Variants in ZFR observed in about 807,000 individuals in gnomAD.
ZFR encodes zinc finger RNA-binding protein.
A neutral mutation model predicts 130.7 loss-of-function variants in ZFR; 19 were observed. The ratio of observed to expected loss-of-function variants is 0.15; its 90% CI spans 0.10 to 0.21. The LOEUF is 0.21. ZFR is among the 10% of genes least tolerant of loss of function. The probability of loss-of-function intolerance (pLI) is 1.00; values close to 1 mark genes in which losing one functional copy is unlikely to be tolerated. For synonymous variants in ZFR, 466 were observed against 456.9 expected (o/e 1.02, Z -0.25); for missense variants, 872 against 1,321.5 (o/e 0.66, Z 5.27).
At chr5:32,371,126 TCGGAAGACCG>T (rs1752661601) in intron 17 of ZFR, among the ~76,000 whole-genome samples, 2 of 152,162 alleles carry the variant, frequency 1.3e-5, no homozygotes, top group Admixed American at 1.3e-4. Context: ...TCCCAGCACT[TCGGAAGACCG>T]TGGCAAGAGG....
At chr5:32,400,322 A>G in intron 8 of ZFR, 119 bp from the exon 9 acceptor site, 1 of 663,104 alleles carries the variant, frequency 1.5e-6, no homozygotes, top group Non-Finnish European at 2.3e-6. Flanking sequence ...TAACTGACAT[A>G]CAACAGATGA....
At chr5:32,400,837 C>T (rs1028102408) in intron 8 of ZFR, among the ~76,000 whole-genome samples, 2 of 152,012 alleles carry the variant, frequency 1.3e-5, no homozygotes, top group Admixed American at 6.6e-5. Context: ...CCTGGTCAGA[C>T]CCTGTCTCCC....
chr5:32,400,323 C>T, intron 8 of ZFR, 120 bp from the exon 9 acceptor site: 3 of 662,754 alleles, frequency 4.5e-6, no homozygotes, highest in Middle Eastern at 4.6e-4. Flanking sequence ...AACTGACATA[C>T]AACAGATGAG....
intron 17 of ZFR, among the ~76,000 whole-genome samples, chr5:32,373,259 G>A: frequency 6.6e-6 from 1 of 152,210 alleles, no homozygotes; most frequent in South Asian, 2.1e-4. Flanking sequence ...CAGGCGTGGT[G>A]GTGCATGCCT....
intron 11 of ZFR, among the ~76,000 whole-genome samples, chr5:32,394,897 A>G (rs1165788459): frequency 6.6e-6 from 1 of 152,192 alleles, no homozygotes; most frequent in Non-Finnish European, 1.5e-5. Flanking sequence ...TATTTATAAT[A>G]TGAAACTATT....
chr5:32,411,394 T>C (rs1265379784), intron 5 of ZFR, among the ~76,000 whole-genome samples: 1 of 152,102 alleles, frequency 6.6e-6, no homozygotes, highest in Non-Finnish European at 1.5e-5. Flanking sequence ...AACCATGAAC[T>C]GAAAATATTC....
chr5:32,387,059 C>A (rs1364266097), intron 14 of ZFR, among the ~76,000 whole-genome samples: 1 of 151,996 alleles, frequency 6.6e-6, no homozygotes, highest in African/African-American at 2.4e-5. Context: ...TATTTCCTAC[C>A]ATTATAAACA....
At chr5:32,409,955 A>G (rs957022193) in intron 5 of ZFR, among the ~76,000 whole-genome samples, 2 of 152,116 alleles carry the variant, frequency 1.3e-5, no homozygotes, top group African/African-American at 2.4e-5. Context: ...CCTGGGTGAC[A>G]GAATGAGACC....
At chr5:32,402,740 T>C (rs1041203780) in intron 8 of ZFR, among the ~76,000 whole-genome samples, 52 of 150,218 alleles carry the variant, frequency 3.5e-4, no homozygotes, top group African/African-American at 1.2e-3. Context: ...ATCGTGCTAC[T>C]GCACTCCAGC....
chr5:32,378,304 G>A (rs1185323065), intron 17 of ZFR, among the ~76,000 whole-genome samples: 2 of 152,118 alleles, frequency 1.3e-5, no homozygotes, highest in Admixed American at 6.6e-5. Flanking sequence ...TAGAAAGAAT[G>A]CAGATGTGAC....
chr5:32,409,592 G>A (rs958600495), intron 5 of ZFR, among the ~76,000 whole-genome samples: 1 of 152,024 alleles, frequency 6.6e-6, no homozygotes. Flanking sequence ...TTTTAGTAGA[G>A]ACGGGGTTTT....
chr5:32,428,224 G>C (rs144657899), intron 2 of ZFR, among the ~76,000 whole-genome samples: 2 of 152,112 alleles, frequency 1.3e-5, no homozygotes, highest in African/African-American at 2.4e-5. Flanking sequence ...GACCAGTCTG[G>C]CCAACATGGT....
chr5:32,359,751 C>A (rs1273987692), intron 19 of ZFR, among the ~76,000 whole-genome samples: 1 of 152,158 alleles, frequency 6.6e-6, no homozygotes, highest in Non-Finnish European at 1.5e-5. Flanking sequence ...GAGTTCGACA[C>A]CAGCCTGGCC....
intron 8 of ZFR, among the ~76,000 whole-genome samples, chr5:32,401,360 T>G (rs1039805272): frequency 6.6e-6 from 1 of 152,172 alleles, no homozygotes; most frequent in Non-Finnish European, 1.5e-5. Flanking sequence ...GGACTGAATA[T>G]TGCGGAAATT....
At chr5:32,437,289 T>C (rs1239736079) in intron 2 of ZFR, among the ~76,000 whole-genome samples, 2 of 152,134 alleles carry the variant, frequency 1.3e-5, no homozygotes, top group Non-Finnish European at 1.5e-5. Flanking sequence ...CCCAGAAGTG[T>C]AAACTCCCTG....
intron 19 of ZFR, among the ~76,000 whole-genome samples, chr5:32,360,299 A>G (rs1752404476): frequency 6.6e-6 from 1 of 152,214 alleles, no homozygotes; most frequent in Non-Finnish European, 1.5e-5. Flanking sequence ...AATACTTACA[A>G]AGTTACTCAA....
chr5:32,434,274 T>G (rs144556014), intron 2 of ZFR, among the ~76,000 whole-genome samples: 1 of 152,242 alleles, frequency 6.6e-6, no homozygotes, highest in African/African-American at 2.4e-5. Flanking sequence ...TAGGACATTA[T>G]CAGCTGAAGA....
At chr5:32,413,028 A>C (rs1416029700) in intron 5 of ZFR, among the ~76,000 whole-genome samples, 1 of 152,144 alleles carries the variant, frequency 6.6e-6, no homozygotes. Context: ...GTCTCTACTA[A>C]AAATACAAAA....
At chr5:32,416,576 T>C (rs1294094237) in intron 4 of ZFR, among the ~76,000 whole-genome samples, 5 of 137,252 alleles carry the variant, frequency 3.6e-5, no homozygotes, top group African/African-American at 1.1e-4. Context: ...ATTGCACCAT[T>C]GCACTCCAGC....
Sources: gnomAD v4.1 joint callset for allele counts (sites outside exome capture counted in the v4.1 genomes callset) on GRCh38, gnomAD v4.1.1 for gene constraint, MANE v1.5 for transcripts, NCBI Gene and HGNC (gene_info 2026-07-23, HGNC 2026-07-21) for gene names.